ESR1: variants seen among roughly 807,000 people sequenced by gnomAD.
ESR1 encodes the protein estrogen receptor 1.
A neutral mutation model predicts 52.7 loss-of-function variants in ESR1; 12 were observed. That is an observed-to-expected ratio of 0.23 (90% CI 0.15 to 0.37). The LOEUF is 0.37. Ranked by LOEUF, ESR1 falls within the 10% of genes least tolerant of loss-of-function variation. The pLI is 1.00. For synonymous variants in ESR1, 305 were observed against 316.8 expected (o/e 0.96, Z 0.39); for missense variants, 584 against 779.7 (o/e 0.75, Z 2.99).
intron 2 of ESR1, among the ~76,000 whole-genome samples, chr6:151,873,199 G>A (rs914628115): frequency 2.0e-5 from 3 of 152,212 alleles, no homozygotes; most frequent in African/African-American, 7.2e-5. Context: ...TAAGAGTTCA[G>A]CTTCTGGAAT....
At chr6:151,784,692 T>A (rs1434864561) in intron 2 of ESR1, among the ~76,000 whole-genome samples, 1 of 152,230 alleles carries the variant, frequency 6.6e-6, no homozygotes, top group African/African-American at 2.4e-5. Context: ...CTAGTGTAAC[T>A]TCCCCTCCTG....
chr6:152,110,454 C>T (rs1020715425), intron 6 of ESR1, among the ~76,000 whole-genome samples: 4 of 151,886 alleles, frequency 2.6e-5, no homozygotes, highest in Non-Finnish European at 4.4e-5. Context: ...CATGTTCTCA[C>T]TTATAAGTGG....
At chr6:152,048,108 C>T (rs550324294) in intron 5 of ESR1, among the ~76,000 whole-genome samples, 1 of 151,818 alleles carries the variant, frequency 6.6e-6, no homozygotes, top group African/African-American at 2.4e-5. Context: ...CGGTGGCTCA[C>T]GCCTGTAATC....
intron 1 of ESR1, among the ~76,000 whole-genome samples, chr6:151,818,008 G>A (rs1216156563): frequency 2.0e-5 from 3 of 152,174 alleles, no homozygotes; most frequent in Admixed American, 6.5e-5. Flanking sequence ...AAATGTGGAG[G>A]AGGACTCAAT....
At chr6:151,941,172 C>T (rs1207752196) in intron 3 of ESR1, among the ~76,000 whole-genome samples, 3 of 152,114 alleles carry the variant, frequency 2.0e-5, no homozygotes, top group Non-Finnish European at 2.9e-5. Context: ...CTTGATTTCA[C>T]CTTAGGAAAA....
intron 5 of ESR1, among the ~76,000 whole-genome samples, chr6:152,035,379 A>G (rs1260693505): frequency 6.6e-6 from 1 of 151,856 alleles, no homozygotes; most frequent in African/African-American, 2.4e-5. Context: ...TAATAAAGAA[A>G]TAGCAGGAGC....
chr6:151,834,248 C>T (rs879768101), intron 1 of ESR1, among the ~76,000 whole-genome samples: 4 of 152,118 alleles, frequency 2.6e-5, no homozygotes, highest in African/African-American at 4.8e-5. Flanking sequence ...CACATGCACA[C>T]GTATGTTTAT....
At chr6:152,091,344 C>T (rs1348761216) in intron 6 of ESR1, among the ~76,000 whole-genome samples, 1 of 152,208 alleles carries the variant, frequency 6.6e-6, no homozygotes, top group East Asian at 1.9e-4. Context: ...TATATTTGCA[C>T]AACTAGGAAG....
chr6:151,727,082 T>C (rs79507329), intron 2 of ESR1, among the ~76,000 whole-genome samples: 3,008 of 152,346 alleles, frequency 0.02, 37 homozygotes, highest in East Asian at 0.03. Flanking sequence ...ATTAAGAAAT[T>C]AATATGCTGC....
In ESR1 at chr6:152,013,161, G is replaced by A. The variant is rs932217119; in HGVS notation, c.1235+1367G>A. On this transcript the variant is annotated intron_variant, in intron 5 of 7. Transcript: ENST00000206249. ...CAGCCTTATAGAGGATGTCTTTACC[G>A]TGTTCTTTCCTTTCCATTCCTTGTT... is the stretch of plus-strand genomic sequence containing the variant. 5.9e-5 allele frequency among the ~76,000 whole-genome samples: 9 copies of A among 152,164 alleles called. No homozygotes were observed. The South Asian group carries it at 6.2e-4, about 11-fold the overall frequency.
intron 1 of ESR1, among the ~76,000 whole-genome samples, chr6:151,815,451 C>G (rs921940905): frequency 1.3e-5 from 2 of 152,056 alleles, no homozygotes; most frequent in Non-Finnish European, 2.9e-5. Flanking sequence ...CGTGAAAGCC[C>G]GGAGAAGCTG....
chr6:151,857,493 C>CCA (rs925674664), intron 2 of ESR1, among the ~76,000 whole-genome samples: 31 of 145,886 alleles, frequency 2.1e-4, no homozygotes, highest in Admixed American at 1.0e-3. Flanking sequence ...ACCCACCCAC[C>CCA]CACACACACA....
chr6:151,808,388 C>T (rs1344893548), intron 1 of ESR1, 24 bp downstream of exon 1: 15 of 512,886 alleles, frequency 2.9e-5, no homozygotes, highest in Middle Eastern at 8.6e-4. Flanking sequence ...CGCCGCCCGT[C>T]GGGGTGGCCG....
intron 4 of ESR1, among the ~76,000 whole-genome samples, chr6:152,002,175 T>G (rs964656862): frequency 3.5e-5 from 5 of 144,828 alleles, no homozygotes; most frequent in African/African-American, 1.4e-4. Flanking sequence ...TTCCTCTAGA[T>G]TTTAAATCAA....
intron 2 of ESR1, among the ~76,000 whole-genome samples, chr6:151,702,307 C>T (rs910950313): frequency 1.3e-5 from 2 of 152,178 alleles, no homozygotes; most frequent in East Asian, 3.8e-4. Context: ...TATTTACATA[C>T]TCAATAGTCC....
At chr6:151,705,462 A>C (rs1562342746) in intron 2 of ESR1, among the ~76,000 whole-genome samples, 1 of 152,222 alleles carries the variant, frequency 6.6e-6, no homozygotes, top group African/African-American at 2.4e-5. Context: ...GAAAAGATGG[A>C]AAGAAGATGA....
Position 152,094,484 on chromosome 6 carries a change from T to C in ESR1, c.1469T>C (p.Met490Thr), listed in dbSNP as rs1356279823. 6.2e-7 allele frequency: 1 copy of C among 1,614,116 alleles called. No homozygotes were observed. Among genetic ancestry groups the C allele is most frequent in the South Asian group, 1.1e-5 (1 of 91,066 alleles). ...DKITDTLIHL[M>T]AKAGLTLQQQ... ...ATCACAGACACTTTGATCCACCTGA[T>C]GGCCAAGGCAGGCCTGACCCTGCAG... The change falls in exon 7 of 8, where the codon ATG becomes ACG. Residue 490 changes from methionine (M) to threonine (T), a missense_variant. Physicochemically the swap from Met to Thr is moderately conservative, Grantham distance 81. Transcript: ENST00000206249. The surrounding 1 kb of genome is among the most constrained non-coding windows in gnomAD (Gnocchi z 4.6).
chr6:151,943,390 CAAAA>C lies in ESR1; in HGVS notation c.761-777_761-774del, dbSNP rs202199134. Among the ~76,000 whole-genome samples the C allele has an allele frequency of 4.7e-3, 653 of 138,928 alleles. 4 individuals carry two copies. Among genetic ancestry groups the C allele is most frequent in the African/African-American group, 0.016 (587 of 35,832 alleles). The allele number at this position is 138,928 out of a possible 152,430, so 91.1% of individuals were successfully genotyped here. A position where few individuals can be genotyped will look rare whatever the true frequency, so the allele number is the denominator to read the frequency against. On this transcript the variant is annotated intron_variant, in intron 3 of 7. Coordinates refer to ENST00000206249, the MANE Select transcript of ESR1 (RefSeq NM_000125.4). ...GCGAGACTCCATCTTAAAAAAAAAACAAAAAAAAACAAAAACAAAAAAAAAACCA... is the reference window on the plus strand; with the variant it reads ...GCGAGACTCCATCTTAAAAAAAAAACAAAAACAAAAACAAAAAAAAAACCA...
chr6:152,115,361 C>G (rs549666788), intron 6 of ESR1, among the ~76,000 whole-genome samples: 3 of 152,304 alleles, frequency 2.0e-5, no homozygotes, highest in East Asian at 1.9e-4. Context: ...ATTATAACAA[C>G]AGGGGGCCTC....
Sources: gnomAD v4.1 joint callset for allele counts (sites outside exome capture counted in the v4.1 genomes callset) on GRCh38, gnomAD v4.1.1 for gene constraint, Gnocchi (gnomAD v3.1) non-coding constraint, MANE v1.5 for transcripts, NCBI Gene and HGNC (gene_info 2026-07-23, HGNC 2026-07-21) for gene names.